The following MTFMT variants were observed in gnomAD, a reference collection of about 807,000 sequenced individuals.
MTFMT encodes the protein methionyl-tRNA formyltransferase, mitochondrial.
A neutral mutation model predicts 51.8 loss-of-function variants in MTFMT; 47 were observed. That is an observed-to-expected ratio of 0.91 (90% confidence interval 0.72 to 1.16). MTFMT has a LOEUF of 1.16. Among genes scored for constraint, MTFMT ranks in the 50% most tolerant of loss-of-function variants. MTFMT has a pLI of 0.00. For synonymous variants in MTFMT, 196 were observed against 176.7 expected, an observed-to-expected ratio of 1.11 and a Z score of -0.87; for missense variants, 512 against 482.3, an observed-to-expected ratio of 1.06 and a Z score of -0.58.
In MTFMT at chr15:65,023,667, GCTAC is replaced by G; in HGVS notation, c.542+1_542+4del. 6.2e-7 allele frequency: 1 copy of G among 1,612,494 alleles called. No homozygotes were observed. The highest frequency in any genetic ancestry group is 8.5e-7 in the Non-Finnish European group (1 of 1,179,016). ...AAAATCTCAAGAAAGGAAAATATGT[GCTAC>G]CTTTTAGGTCTAATTTGCATAATTG... On this transcript the variant is annotated splice_donor_variant and splice_donor_region_variant and intron_variant, in intron 3 of 8. Transcript: ENST00000220058. LOFTEE classifies it high-confidence loss of function.
intron 2 of MTFMT, among the ~76,000 whole-genome samples, chr15:65,025,423 ATAAATAAATAAATACAT>A (rs1222791664): frequency 6.6e-6 from 1 of 151,718 alleles, no homozygotes; most frequent in Non-Finnish European, 1.5e-5. Context: ...AAATAAATAA[ATAAATAAATAAATACAT>A]TTTGGCTGCT....
intron 5 of MTFMT, among the ~76,000 whole-genome samples, chr15:65,017,762 C>T (rs933055238): frequency 5.3e-5 from 8 of 151,720 alleles, no homozygotes; most frequent in African/African-American, 1.2e-4. Flanking sequence ...CACACTATTG[C>T]ACTTCAGCCT....
Position 65,026,892 on chromosome 15 carries a change from C to T in MTFMT, c.358G>A (p.Val120Ile), listed in dbSNP as rs765777425. 27 of 1,613,886 alleles carry T rather than the reference C, an allele frequency of 1.7e-5. No homozygotes were observed. Among genetic ancestry groups the T allele is most frequent in the Non-Finnish European group, 2.3e-5 (27 of 1,179,912 alleles). Residue 120 changes from valine (V) to isoleucine (I), a missense_variant, in exon 2 of 9, where the codon GTT (valine) becomes ATT (isoleucine). Transcript: ENST00000220058. ...WPDVGSGEYD[V>I]GVVASFGRLL... ...CGGCCAAACGAAGCCACTACTCCAA[C>T]ATCATATTCTCCAGATCCCACATCC...
At chr15:65,015,265 C>T (rs1319961391) in intron 6 of MTFMT, among the ~76,000 whole-genome samples, 7 of 152,096 alleles carry the variant, frequency 4.6e-5, no homozygotes, top group Non-Finnish European at 8.8e-5. Flanking sequence ...TTTCCTGATG[C>T]CATTCTGTGG....
chr15:65,020,171 TGA>T (rs748008200), intron 5 of MTFMT, 24 bp downstream of exon 5: 31 of 1,593,908 alleles, frequency 1.9e-5, no homozygotes, highest in South Asian at 3.4e-5. Context: ...TTTAGAAAGA[TGA>T]GAGTCTCTGC....
chr15:65,005,579 C>T (rs2086214363), intron 7 of MTFMT, among the ~76,000 whole-genome samples: 1 of 151,414 alleles, frequency 6.6e-6, no homozygotes, highest in African/African-American at 2.4e-5. Flanking sequence ...AGGAACACTG[C>T]TTTGCCTACT....
At chr15:65,025,412 G>GAGAT in intron 2 of MTFMT, among the ~76,000 whole-genome samples, 1 of 148,754 alleles carries the variant, frequency 6.7e-6, no homozygotes, top group South Asian at 2.1e-4. Flanking sequence ...CAATAAAATA[G>GAGAT]AAATAAATAA....
intron 5 of MTFMT, among the ~76,000 whole-genome samples, chr15:65,017,373 T>C (rs1332693189): frequency 6.6e-6 from 1 of 152,232 alleles, no homozygotes; most frequent in Non-Finnish European, 1.5e-5. Context: ...GTAGTTTTAC[T>C]ATACTATTCT....
Position 65,006,174 on chromosome 15 carries a change from G to C in MTFMT, c.831C>G (p.Leu277=). 1 of 1,612,282 alleles carries C rather than the reference G, an allele frequency of 6.2e-7. No homozygotes were observed. Among genetic ancestry groups the C allele is most frequent in the Non-Finnish European group, 8.5e-7 (1 of 1,179,016 alleles). ...GAAGTTTAATGGTATTCGCCATCCAGAGCGTCTGCAACGGAATCTGCAAGT... is the reference window on the plus strand; with the variant it reads ...GAAGTTTAATGGTATTCGCCATCCACAGCGTCTGCAACGGAATCTGCAAGT... The part of the protein sequence containing the change: ...AIGNIIPLQT[L]WMANTIKLLD... Residue 277 remains leucine (L), a synonymous_variant, in exon 7 of 9, where the codon CTC becomes CTG. Coordinates refer to ENST00000220058, the MANE Select transcript of MTFMT (RefSeq NM_139242.4).
chr15:65,024,405 C>G (rs1381548644), intron 2 of MTFMT, among the ~76,000 whole-genome samples: 3 of 152,208 alleles, frequency 2.0e-5, no homozygotes, highest in Non-Finnish European at 4.4e-5. Context: ...GAGAACCACT[C>G]AAACCCTATT....
chr15:65,027,175 G>C (rs1319080719), intron 1 of MTFMT, 135 bp from the exon 2 acceptor site: 4 of 662,398 alleles, frequency 6.0e-6, no homozygotes, highest in African/African-American at 5.5e-5. Flanking sequence ...ACTAGTGTGA[G>C]AGACTGAGTT....
chr15:65,028,702 T>C lies in MTFMT; in HGVS notation c.209+703A>G, dbSNP rs183965680. On this transcript the variant is annotated intron_variant, in intron 1 of 8. Coordinates refer to ENST00000220058, the MANE Select transcript of MTFMT (RefSeq NM_139242.4). ...AGAATGGGGAAATAAAAAACATTAA[T>C]TGGGAAAAAGAGGCAGAGAAGTATA... Among the ~76,000 whole-genome samples, 68 of 152,118 alleles carry C rather than the reference T, an allele frequency of 4.5e-4. No individual in the cohort carries two copies. The East Asian group carries it at 9.7e-3, about 22-fold the overall frequency.
intron 6 of MTFMT, among the ~76,000 whole-genome samples, chr15:65,010,509 G>C (rs1014715569): frequency 2.0e-5 from 3 of 152,064 alleles, no homozygotes; most frequent in Non-Finnish European, 4.4e-5. Context: ...TATTTTTCAG[G>C]TTCATCCATG....
intron 2 of MTFMT, among the ~76,000 whole-genome samples, chr15:65,024,775 G>A (rs1477774820): frequency 2.0e-5 from 3 of 152,170 alleles, no homozygotes; most frequent in Non-Finnish European, 4.4e-5. Flanking sequence ...TACAAGGTTT[G>A]CCAGATGATG....
intron 3 of MTFMT, among the ~76,000 whole-genome samples, chr15:65,022,759 T>C (rs574669746): frequency 6.6e-6 from 1 of 151,366 alleles, no homozygotes; most frequent in Non-Finnish European, 1.5e-5. Context: ...CAGGCTGGAA[T>C]GCAGTGGTGC....
intron 6 of MTFMT, chr15:65,015,921 GA>G (rs772729649): frequency 1.3e-5 from 2 of 152,212 alleles, no homozygotes; most frequent in South Asian, 2.1e-4. Flanking sequence ...GAAATGAAAG[GA>G]AAAAACCCCA....
chr15:65,024,511 CTT>C (rs11340546), intron 2 of MTFMT, among the ~76,000 whole-genome samples: 4 of 150,274 alleles, frequency 2.7e-5, no homozygotes, highest in Admixed American at 6.6e-5. Flanking sequence ...TAAGCTTTTT[CTT>C]TTTTTTTTTA....
At position 65,003,162 on chromosome 15, in the gene MTFMT, T is replaced by A; in HGVS notation, c.1070A>T (p.Asn357Ile). 3.1e-6 allele frequency: 5 copies of A among 1,613,686 alleles called. No individual in the cohort carries two copies. The highest frequency in any genetic ancestry group is 4.2e-6 in the Non-Finnish European group (5 of 1,179,772). ...NGYLHPWYQK[N>I]SQAQPSQCRF... is the part of the protein sequence containing the mutation. ...GCATTGGCTTGGTTGAGCTTGGGAATTTTTCTGGTACCAGGGGTGCAAATA... is the reference window on the plus strand; with the variant it reads ...GCATTGGCTTGGTTGAGCTTGGGAAATTTTCTGGTACCAGGGGTGCAAATA... The change falls in exon 9 of 9, where the codon AAT (asparagine) becomes ATT (isoleucine). Residue 357 changes from asparagine (N) to isoleucine (I), a missense_variant. Coordinates refer to ENST00000220058, the MANE Select transcript of MTFMT (RefSeq NM_139242.4).
intron 6 of MTFMT, among the ~76,000 whole-genome samples, chr15:65,011,308 G>A (rs947435152): frequency 4.6e-5 from 7 of 152,044 alleles, no homozygotes; most frequent in Non-Finnish European, 1.0e-4. Flanking sequence ...GGCAACAAGA[G>A]CAAGACTCCA....
Sources: allele counts gnomAD v4.1 joint callset (sites outside exome capture counted in the v4.1 genomes callset), GRCh38; gene constraint gnomAD v4.1.1; transcripts MANE v1.5; gene names NCBI Gene and HGNC (gene_info 2026-07-23, HGNC 2026-07-21).